Variants in MATK observed in about 807,000 individuals in gnomAD.
MATK encodes the protein megakaryocyte-associated tyrosine kinase.
Under a neutral mutation model 59.8 loss-of-function variants are expected in MATK, and 41 were observed. The ratio of observed to expected loss-of-function variants is 0.69; its 90% confidence interval spans 0.53 to 0.89. The LOEUF (loss-of-function observed/expected upper bound fraction) is 0.89. Among genes scored for constraint, MATK ranks in the 40% least tolerant of loss-of-function variants. MATK has a pLI of 0.00. For synonymous variants in MATK, 308 were observed against 306.1 expected (o/e 1.01, Z -0.06); for missense variants, 593 against 719.6 (o/e 0.82, Z 2.01).
chr19:3,782,789 C>T lies in MATK; in HGVS notation c.676+337G>A. 1.7e-5 allele frequency: 6 copies of T among 360,968 alleles called. No individual in the cohort carries two copies. In the South Asian group the frequency reaches 1.9e-4, roughly 12 times the overall value. The allele number at this position is 360,968 out of a possible 1,614,324, so 22.4% of individuals were successfully genotyped here. ...TCTGATGGGAGGGCCTGAGGCTGGG[C>T]TGTGGGGAGGGGAGGGGAGAAGATT... On this transcript the variant is annotated intron_variant, in intron 7 of 13. Coordinates refer to ENST00000310132, the MANE Select transcript of MATK (RefSeq NM_139355.3).
At chr19:3,789,611 G>A (rs2037521214), upstream of MATK, among the ~76,000 whole-genome samples, 1 of 152,074 alleles carries the variant, frequency 6.6e-6, no homozygotes, top group African/African-American at 2.4e-5. Flanking sequence ...TAGACACTGA[G>A]CTGTGCCTGA....
At chr19:3,797,123 T>C (rs2037602533) in intron 1 of MATK, among the ~76,000 whole-genome samples, 1 of 152,152 alleles carries the variant, frequency 6.6e-6, no homozygotes, top group South Asian at 2.1e-4. Flanking sequence ...TCTTGAATGA[T>C]ATCATTGGTG....
chr19:3,795,179 G>A (rs1450040587), intron 1 of MATK, among the ~76,000 whole-genome samples: 12 of 151,132 alleles, frequency 7.9e-5, no homozygotes, highest in Admixed American at 6.6e-4. Flanking sequence ...GGATTTCATC[G>A]TGTTAGCCAG....
chr19:3,784,691 T>C (rs1599200378), intron 3 of MATK, 134 bp downstream of exon 3: 2 of 721,830 alleles, frequency 2.8e-6, no homozygotes, highest in Admixed American at 2.3e-5. Flanking sequence ...CCAAGATGAC[T>C]GAGAAAGGCC....
intron 7 of MATK, 185 bp downstream of exon 7, chr19:3,782,941 T>C (rs1013175543): frequency 5.2e-6 from 3 of 582,322 alleles, no homozygotes; most frequent in East Asian, 2.9e-5. Flanking sequence ...TGGGGACCTA[T>C]TGAATAAAGG....
chr19:3,791,288 CA>C (rs1271517452), upstream of MATK, among the ~76,000 whole-genome samples: 1 of 151,962 alleles, frequency 6.6e-6, no homozygotes, highest in Admixed American at 6.6e-5. Flanking sequence ...CAGGCGGCAC[CA>C]GGCTTCTGTC....
chr19:3,787,922 ATATTAT>A (rs1041368922), upstream of MATK, among the ~76,000 whole-genome samples: 6 of 149,954 alleles, frequency 4.0e-5, no homozygotes, highest in African/African-American at 1.5e-4. Flanking sequence ...CTAGGAAACT[ATATTAT>A]TATTATTATC....
At chr19:3,795,342 G>A (rs12983995) in intron 1 of MATK, among the ~76,000 whole-genome samples, 14 of 148,890 alleles carry the variant, frequency 9.4e-5, no homozygotes, top group African/African-American at 3.2e-4. Flanking sequence ...ACGTGATCTC[G>A]GCTCACTGCA....
At position 3,784,381 on chromosome 19, in the gene MATK, G is replaced by C; in HGVS notation, c.203C>G (p.Ala68Gly). 1 of 1,609,108 alleles carries C rather than the reference G, an allele frequency of 6.2e-7. No individual in the cohort carries two copies. Among genetic ancestry groups the C allele is most frequent in the Non-Finnish European group, 8.5e-7 (1 of 1,178,964 alleles). Residue 68 changes from alanine to glycine, a missense_variant, in exon 4 of 14, where the codon GCC becomes GGC. Ala to Gly is a moderately conservative substitution (Grantham distance 60). Transcript: ENST00000310132. ...GGTGACCACGTCGCCCTTGCGGAAG[G>C]CCAGCTCCCCTGGCTTGGGGCGGGT... ...EHTRPKPGEL[A>G]FRKGDVVTIL...
At chr19:3,781,559 C>T (rs12610731) in intron 8 of MATK, 48 bp downstream of exon 8, 181,187 of 1,592,244 alleles carry the variant, frequency 0.11, 11,636 homozygotes, top group East Asian at 0.24. Context: ...AGCCTCAATA[C>T]GCACCTCCCA....
chr19:3,794,090 G>T (rs2037570173), intron 1 of MATK, among the ~76,000 whole-genome samples: 1 of 151,952 alleles, frequency 6.6e-6, no homozygotes. Context: ...TCTTCTCAAG[G>T]CCAGCTACTT....
chr19:3,784,115 C>T lies in MATK; in HGVS notation c.362+9G>A. On this transcript the variant is annotated intron_variant, in intron 5 of 13. Transcript: ENST00000310132. The stretch of plus-strand genomic sequence containing the variant: ...TCCCCTACCCCAGGCCCCTGTCCTG[C>T]CCACTCACGGCATGAGGCTGAGCTT... 6.2e-7 allele frequency: 1 copy of T among 1,603,374 alleles called. No individual in the cohort carries two copies. The highest frequency in any genetic ancestry group is 1.1e-5 in the South Asian group (1 of 89,950).
chr19:3,784,435 C>G lies in MATK; in HGVS notation c.149G>C (p.Gly50Ala). 1.3e-6 allele frequency: 2 copies of G among 1,598,360 alleles called. No individual in the cohort carries two copies. Among genetic ancestry groups the G allele is most frequent in the Non-Finnish European group, 1.7e-6 (2 of 1,175,410 alleles). The change falls in exon 4 of 14, where the codon GGC (glycine) becomes GCC (alanine). Residue 50 changes from glycine to alanine, a missense_variant. Transcript: ENST00000310132. ...CTCGCATTTGGTGATACACTGGGTGCCCGGGGCCCAGCGCCTCTGCAGAGG... is the reference window on the plus strand; with the variant it reads ...CTCGCATTTGGTGATACACTGGGTGGCCGGGGCCCAGCGCCTCTGCAGAGG... ...ARMPTRRWAP[G>A]TQCITKCEHT...
upstream of MATK, among the ~76,000 whole-genome samples, chr19:3,788,591 C>A (rs1038628297): frequency 3.5e-5 from 5 of 143,522 alleles, no homozygotes; most frequent in African/African-American, 1.3e-4. Context: ...TGCACCCCAG[C>A]CTGGGCAACA....
intron 6 of MATK, 103 bp downstream of exon 6, chr19:3,783,711 T>C (rs949994650): frequency 1.3e-5 from 14 of 1,038,806 alleles, no homozygotes; most frequent in Non-Finnish European, 1.6e-5. Flanking sequence ...GGGGAAGGGA[T>C]GGAGGTCAGG....
chr19:3,790,310 C>G (rs1026354374), upstream of MATK, among the ~76,000 whole-genome samples: 1 of 152,194 alleles, frequency 6.6e-6, no homozygotes, highest in African/African-American at 2.4e-5. Context: ...CTGAACTCCC[C>G]ACCCTCCACC....
intron 1 of MATK, among the ~76,000 whole-genome samples, chr19:3,794,853 C>G (rs1280770053): frequency 1.3e-5 from 2 of 152,140 alleles, no homozygotes; most frequent in Non-Finnish European, 2.9e-5. Flanking sequence ...CCCAACTACT[C>G]AGCTCTGCCA....
At chr19:3,796,369 T>C (rs2037594616) in intron 1 of MATK, among the ~76,000 whole-genome samples, 1 of 152,196 alleles carries the variant, frequency 6.6e-6, no homozygotes, top group Non-Finnish European at 1.5e-5. Flanking sequence ...TTGGATGTTG[T>C]CCATTGACTT....
intron 3 of MATK, 90 bp from the exon 4 acceptor site, chr19:3,784,541 G>GAA: frequency 1.2e-6 from 1 of 850,348 alleles, no homozygotes; most frequent in Non-Finnish European, 1.8e-6. Flanking sequence ...ACAGGAGGGA[G>GAA]AAAGGTATAG....
Sources: gnomAD v4.1 joint callset for allele counts (sites outside exome capture counted in the v4.1 genomes callset) on GRCh38, gnomAD v4.1.1 for gene constraint, MANE v1.5 for transcripts, NCBI Gene and HGNC (gene_info 2026-07-23, HGNC 2026-07-21) for gene names.